Variants in SDK2 observed in about 807,000 individuals in gnomAD.
The protein encoded by SDK2 is sidekick cell adhesion molecule 2, also known as protein sidekick-2.
A neutral mutation model predicts 253.9 loss-of-function variants in SDK2; 105 were observed. The observed-to-expected ratio is 0.41, with a 90% confidence interval of 0.35 to 0.49. SDK2 has a LOEUF of 0.49. Among genes scored for constraint, SDK2 ranks in the 20% least tolerant of loss-of-function variants. SDK2 has a pLI of 0.06. For missense variants in SDK2, 2,608 were observed against 3,003.0 expected, an observed-to-expected ratio of 0.87 and a Z score of 3.07; for synonymous variants, 1,249 against 1,234.9, an observed-to-expected ratio of 1.01 and a Z score of -0.24.
chr17:73,622,368 G>A (rs1003288683), intron 1 of SDK2, among the ~76,000 whole-genome samples: 5 of 152,220 alleles, frequency 3.3e-5, no homozygotes, highest in African/African-American at 1.2e-4. Context: ...CCCCAAGCCC[G>A]ATGCAGAGGT....
intron 1 of SDK2, among the ~76,000 whole-genome samples, chr17:73,615,436 G>A (rs189244579): frequency 3.0e-4 from 45 of 152,334 alleles, no homozygotes; most frequent in African/African-American, 1.0e-3. Context: ...TGCAAAGCAA[G>A]TCTCTTTCTA....
chr17:73,340,121 C>T lies in SDK2; in HGVS notation c.6166-1181G>A, dbSNP rs867841116. On this transcript the variant is annotated intron_variant, in intron 44 of 44. Transcript: ENST00000392650. ...TCCTGACCTCAGGTGATCCACCCGC[C>T]TTGGCCTCTCAAAGTGCTGGGATTC... Among the ~76,000 whole-genome samples the T allele has an allele frequency of 1.1e-3, 162 of 152,340 alleles. 1 individual carries two copies. Among genetic ancestry groups the T allele is most frequent in the African/African-American group, 3.2e-3 (135 of 41,566 alleles).
chr17:73,484,827 C>T (rs760242080), intron 2 of SDK2, among the ~76,000 whole-genome samples: 8 of 152,192 alleles, frequency 5.3e-5, no homozygotes, highest in African/African-American at 9.7e-5. Context: ...CCCCACTTTT[C>T]TTTCTTAATA....
chr17:73,449,659 G>A (rs1392784104), intron 4 of SDK2, among the ~76,000 whole-genome samples: 5 of 130,984 alleles, frequency 3.8e-5, no homozygotes, highest in East Asian at 4.5e-4. Flanking sequence ...AGTGGCTCAC[G>A]CCTGTAATCC....
At chr17:73,597,611 A>G (rs2045778034) in intron 1 of SDK2, among the ~76,000 whole-genome samples, 1 of 151,678 alleles carries the variant, frequency 6.6e-6, no homozygotes, top group South Asian at 2.1e-4. Flanking sequence ...ATGTATTCAT[A>G]GGAGTTTTCA....
At chr17:73,549,928 G>T (rs971380042) in intron 1 of SDK2, among the ~76,000 whole-genome samples, 7 of 152,288 alleles carry the variant, frequency 4.6e-5, no homozygotes, top group African/African-American at 1.7e-4. Flanking sequence ...CAGGTGGAGG[G>T]GTGGTGGTGA....
intron 2 of SDK2, among the ~76,000 whole-genome samples, chr17:73,474,611 G>C (rs893653828): frequency 2.0e-5 from 3 of 152,186 alleles, no homozygotes; most frequent in African/African-American, 7.2e-5. Flanking sequence ...GTGTGATGGC[G>C]GGGAGACAGC....
At chr17:73,598,734 GCTGTATAC>G (rs1316753892) in intron 1 of SDK2, among the ~76,000 whole-genome samples, 1 of 152,164 alleles carries the variant, frequency 6.6e-6, no homozygotes, top group East Asian at 1.9e-4. Flanking sequence ...ACCACCCCTA[GCTGTATAC>G]CTATGTCCCC....
rs762064426 is a variant in SDK2 at position 73,352,611 on chromosome 17, T to G, written c.5620A>C (p.Lys1874Gln). 1 of 1,613,966 alleles carries G rather than the reference T, an allele frequency of 6.2e-7. No individual in the cohort carries two copies. The highest frequency in any genetic ancestry group is 8.5e-7 in the Non-Finnish European group (1 of 1,179,874). ...SDEGLWDILI[K>Q]DIPKEVSSYT... The stretch of plus-strand genomic sequence containing the variant: ...GAGCTCACCTCCTTGGGGATGTCTT[T>G]GATGAGGATGTCCCATAGTCCCTCG... Residue 1874 changes from lysine to glutamine, a missense_variant, in exon 41 of 45, where the codon AAA becomes CAA. Lys to Gln is a moderately conservative substitution (Grantham distance 53). Transcript: ENST00000392650. This position sits in a 1 kb window ranked among gnomAD's most constrained non-coding sequence, Gnocchi z 4.1.
chr17:73,444,871 G>C (rs2063441577), intron 5 of SDK2, among the ~76,000 whole-genome samples: 1 of 152,190 alleles, frequency 6.6e-6, no homozygotes, highest in Non-Finnish European at 1.5e-5. Flanking sequence ...AGGGTATCCA[G>C]GCCCTGTGAC....
Position 73,361,826 on chromosome 17 carries a change from G to A in SDK2, c.5325C>T (p.Thr1775=), listed in dbSNP as rs760996868. The change falls in exon 39 of 45, where the codon ACC becomes ACT. Residue 1775 remains threonine (T), a synonymous_variant. Transcript: ENST00000392650. This position sits in a 1 kb window ranked among gnomAD's most constrained non-coding sequence, Gnocchi z 4.1. Reference sequence around the variant, plus strand: ...GGGGGCTGTTCCCCTTCACGTCCACGGTCACGATCTTGCTGACTCCTGGGG... The same window carrying A: ...GGGGGCTGTTCCCCTTCACGTCCACAGTCACGATCTTGCTGACTCCTGGGG... ...SPVDGVSKIV[T]VDVKGNSPLW... is the part of the protein sequence containing the mutation. 62 of 1,599,588 alleles carry A rather than the reference G, an allele frequency of 3.9e-5. No homozygotes were observed. Among genetic ancestry groups the A allele is most frequent in the Non-Finnish European group, 5.1e-5 (60 of 1,172,788 alleles).
chr17:73,403,211 G>C (rs753819794), intron 18 of SDK2, among the ~76,000 whole-genome samples: 8 of 152,226 alleles, frequency 5.3e-5, no homozygotes, highest in Non-Finnish European at 1.2e-4. Context: ...CCCCATGTGA[G>C]CTGGGGCAGC....
intron 29 of SDK2, 108 bp downstream of exon 29, chr17:73,390,179 T>A (rs2145495344): frequency 1.0e-6 from 1 of 957,972 alleles, no homozygotes; most frequent in Non-Finnish European, 1.5e-6. Context: ...TCCATTCTCA[T>A]CCAGGGCACT....
At chr17:73,619,497 G>A (rs1388282411) in intron 1 of SDK2, among the ~76,000 whole-genome samples, 2 of 152,146 alleles carry the variant, frequency 1.3e-5, no homozygotes, top group East Asian at 1.9e-4. Context: ...GAAAAAACAT[G>A]TCTCTTCAAC....
intron 24 of SDK2, among the ~76,000 whole-genome samples, chr17:73,397,794 T>G (rs1475918329): frequency 6.6e-6 from 1 of 152,208 alleles, no homozygotes; most frequent in Admixed American, 6.5e-5. Context: ...TCAAATGGGA[T>G]GAAAATTTAA....
At chr17:73,559,215 G>C (rs1006405218) in intron 1 of SDK2, among the ~76,000 whole-genome samples, 2 of 152,160 alleles carry the variant, frequency 1.3e-5, no homozygotes, top group Non-Finnish European at 2.9e-5. Flanking sequence ...ACGAAGGACA[G>C]AGCATGCCTG....
At chr17:73,593,322 T>G (rs1012356400) in intron 1 of SDK2, among the ~76,000 whole-genome samples, 7 of 152,158 alleles carry the variant, frequency 4.6e-5, no homozygotes, top group African/African-American at 1.7e-4. Flanking sequence ...CCAAAACGTT[T>G]GTGGGGAGCA....
At position 73,392,300 on chromosome 17, in the gene SDK2, C is replaced by T. The variant is rs139366146; in HGVS notation, c.3899-762G>A. Reference sequence around the variant, plus strand: ...TTTTTTTTTTTTTAATACCGAGTCTCGCTCTGTTGCCCAGGCTGGAGTGCA... The same window carrying T: ...TTTTTTTTTTTTTAATACCGAGTCTTGCTCTGTTGCCCAGGCTGGAGTGCA... On this transcript the variant is annotated intron_variant, in intron 27 of 44. Transcript: ENST00000392650. 3.3e-3 allele frequency among the ~76,000 whole-genome samples: 493 copies of T among 151,334 alleles called. 15 individuals carry two copies. In the East Asian group the frequency reaches 0.054, roughly 17 times the overall value.
intron 44 of SDK2, among the ~76,000 whole-genome samples, chr17:73,344,704 T>C (rs2062467764): frequency 6.6e-6 from 1 of 152,238 alleles, no homozygotes; most frequent in East Asian, 1.9e-4. Context: ...GGCACAACTT[T>C]GGGCTGCGAG....
Sources: allele counts gnomAD v4.1 joint callset (sites outside exome capture counted in the v4.1 genomes callset), GRCh38; gene constraint gnomAD v4.1.1; non-coding constraint Gnocchi (gnomAD v3.1); transcripts MANE v1.5; gene names NCBI Gene and HGNC (gene_info 2026-07-23, HGNC 2026-07-21).